PTPRD: variants seen among roughly 807,000 people sequenced by gnomAD.
PTPRD encodes the protein protein tyrosine phosphatase receptor type D, also known as receptor-type tyrosine-protein phosphatase delta.
Under a neutral mutation model 214.5 loss-of-function variants are expected in PTPRD, and 34 were observed. The ratio of observed to expected loss-of-function variants is 0.16; its 90% CI spans 0.12 to 0.21. PTPRD has a LOEUF of 0.21. PTPRD is among the 10% of genes least tolerant of loss of function. The pLI, the probability that PTPRD is intolerant of heterozygous loss-of-function variation, is 1.00. For synonymous variants in PTPRD, 1,128 were observed against 845.7 expected (o/e 1.33, Z -5.79); for missense variants, 2,545 against 2,398.7 (o/e 1.06, Z -1.27).
intron 3 of PTPRD, among the ~76,000 whole-genome samples, chr9:10,219,378 T>C (rs1288649072): frequency 1.3e-5 from 2 of 151,888 alleles, no homozygotes; most frequent in Non-Finnish European, 1.5e-5. Context: ...TCCTTGGGAA[T>C]GAGTCTGTCA....
intron 11 of PTPRD, among the ~76,000 whole-genome samples, chr9:8,751,398 CACTT>C (rs2093513543): frequency 7.7e-6 from 1 of 130,556 alleles, no homozygotes; most frequent in African/African-American, 3.2e-5. Context: ...TTTCTACACT[CACTT>C]AAAAAAAAAA....
chr9:8,937,251 A>G (rs1274575506), intron 11 of PTPRD, among the ~76,000 whole-genome samples: 1 of 152,200 alleles, frequency 6.6e-6, no homozygotes. Flanking sequence ...AATATAGATA[A>G]GACAGTCAGG....
At chr9:9,414,328 G>T (rs2076364347) in intron 8 of PTPRD, among the ~76,000 whole-genome samples, 1 of 152,176 alleles carries the variant, frequency 6.6e-6, no homozygotes, top group Non-Finnish European at 1.5e-5. Context: ...CATAAAAGTT[G>T]ATTCAATGCT....
chr9:8,666,990 G>C (rs1323974149), intron 12 of PTPRD, among the ~76,000 whole-genome samples: 1 of 152,126 alleles, frequency 6.6e-6, no homozygotes, highest in Non-Finnish European at 1.5e-5. Flanking sequence ...CTATAACAAT[G>C]TTATTTAATA....
intron 3 of PTPRD, among the ~76,000 whole-genome samples, chr9:10,105,302 A>T (rs2098614022): frequency 6.6e-6 from 1 of 151,880 alleles, no homozygotes; most frequent in Non-Finnish European, 1.5e-5. Context: ...AATATCTATT[A>T]TTGAAGTAAT....
At chr9:10,043,813 A>G (rs530267353) in intron 3 of PTPRD, among the ~76,000 whole-genome samples, 1 of 152,054 alleles carries the variant, frequency 6.6e-6, no homozygotes, top group East Asian at 1.9e-4. Flanking sequence ...GCAAAATTCC[A>G]AAGTCTATTT....
At chr9:9,714,546 C>T (rs958368038) in intron 7 of PTPRD, among the ~76,000 whole-genome samples, 1 of 152,186 alleles carries the variant, frequency 6.6e-6, no homozygotes, top group Non-Finnish European at 1.5e-5. Context: ...GTAATTCAGA[C>T]TATTAGCTAG....
At chr9:10,591,041 ACT>A (rs2075317719) in intron 2 of PTPRD, among the ~76,000 whole-genome samples, 1 of 151,946 alleles carries the variant, frequency 6.6e-6, no homozygotes, top group Non-Finnish European at 1.5e-5. Flanking sequence ...TGAGGGAAGG[ACT>A]ACTTACAATC....
At chr9:9,056,437 G>C (rs779654316) in intron 10 of PTPRD, among the ~76,000 whole-genome samples, 2 of 152,178 alleles carry the variant, frequency 1.3e-5, no homozygotes, top group Non-Finnish European at 1.5e-5. Context: ...TCAGTGTGAA[G>C]TAAGTGCTGA....
intron 8 of PTPRD, among the ~76,000 whole-genome samples, chr9:9,407,382 T>C (rs2073868814): frequency 6.6e-6 from 1 of 151,792 alleles, no homozygotes; most frequent in Non-Finnish European, 1.5e-5. Flanking sequence ...TTATAAATAA[T>C]GGTTCTATAA....
At chr9:10,381,432 C>T (rs995457208) in intron 2 of PTPRD, among the ~76,000 whole-genome samples, 1 of 151,974 alleles carries the variant, frequency 6.6e-6, no homozygotes, top group African/African-American at 2.4e-5. Flanking sequence ...AGCCAACTGG[C>T]TTGTTAGCAT....
At chr9:10,496,873 T>C (rs2042212757) in intron 2 of PTPRD, among the ~76,000 whole-genome samples, 1 of 152,058 alleles carries the variant, frequency 6.6e-6, no homozygotes, top group South Asian at 2.1e-4. Flanking sequence ...GTCAGATGCA[T>C]AGTTTGCAAG....
At chr9:9,001,045 C>G (rs1282947070) in intron 11 of PTPRD, among the ~76,000 whole-genome samples, 1 of 151,870 alleles carries the variant, frequency 6.6e-6, no homozygotes, top group South Asian at 2.1e-4. Flanking sequence ...GAGGACATAC[C>G]CTTTGCTAAT....
chr9:8,737,529 A>G (rs536061306), intron 11 of PTPRD, among the ~76,000 whole-genome samples: 1 of 152,208 alleles, frequency 6.6e-6, no homozygotes, highest in South Asian at 2.1e-4. Flanking sequence ...CTCTGAAAAA[A>G]AAAAAGAGCA....
At chr9:8,489,754 C>G (rs2097111459) in intron 27 of PTPRD, among the ~76,000 whole-genome samples, 1 of 152,204 alleles carries the variant, frequency 6.6e-6, no homozygotes, top group Admixed American at 6.5e-5. Context: ...AGTTCTACAT[C>G]ATTGAATACA....
At chr9:9,022,843 C>A (rs549368795) in intron 10 of PTPRD, among the ~76,000 whole-genome samples, 1 of 151,984 alleles carries the variant, frequency 6.6e-6, no homozygotes, top group African/African-American at 2.4e-5. Context: ...TTTACATATT[C>A]GTAGAGATCA....
At chr9:9,048,449 A>G (rs941329230) in intron 10 of PTPRD, among the ~76,000 whole-genome samples, 1 of 152,198 alleles carries the variant, frequency 6.6e-6, no homozygotes, top group Non-Finnish European at 1.5e-5. Context: ...TAAGACATAC[A>G]CACAATGGAG....
chr9:10,251,399 CT>C lies in PTPRD; in HGVS notation c.-545+89563del, dbSNP rs148395499. 1.8e-3 allele frequency among the ~76,000 whole-genome samples: 272 copies of C among 149,414 alleles called. 1 individual carries two copies. The highest frequency in any genetic ancestry group is 6.2e-3 in the African/African-American group (251 of 40,326). ...AATAAGAGACTAAACTCTTTCCATTCTTTTTTTTTTTTAATTTTTTTCCTAG... is the reference window on the plus strand; with the variant it reads ...AATAAGAGACTAAACTCTTTCCATTCTTTTTTTTTTTAATTTTTTTCCTAG... On this transcript the variant is annotated intron_variant, in intron 3 of 45. Coordinates refer to ENST00000381196, the MANE Select transcript of PTPRD (RefSeq NM_002839.4).
At chr9:9,190,363 C>T (rs953849205) in intron 9 of PTPRD, among the ~76,000 whole-genome samples, 3 of 151,986 alleles carry the variant, frequency 2.0e-5, no homozygotes, top group Non-Finnish European at 4.4e-5. Context: ...CCAGTATTTC[C>T]CATGCTATTC....
Sources: allele counts gnomAD v4.1 joint callset (sites outside exome capture counted in the v4.1 genomes callset), GRCh38; gene constraint gnomAD v4.1.1; transcripts MANE v1.5; gene names NCBI Gene and HGNC (gene_info 2026-07-23, HGNC 2026-07-21).